The following MAMDC2 variants were observed in gnomAD, a reference collection of about 807,000 sequenced individuals.
MAMDC2 encodes the protein MAM domain-containing protein 2.
A neutral mutation model predicts 89.8 loss-of-function variants in MAMDC2; 57 were observed. That is an observed-to-expected ratio of 0.63 (90% CI 0.51 to 0.79). MAMDC2 has a LOEUF of 0.79. Ranked by LOEUF, MAMDC2 falls within the 30% of genes least tolerant of loss-of-function variation. The probability of loss-of-function intolerance (pLI) is 0.00; values close to 1 mark genes in which losing one functional copy is unlikely to be tolerated. For synonymous variants in MAMDC2, 313 were observed against 293.4 expected (o/e 1.07, Z -0.68); for missense variants, 800 against 820.6 (o/e 0.97, Z 0.31).
chr9:70,047,748 G>A (rs973833492), intron 2 of MAMDC2, among the ~76,000 whole-genome samples: 2 of 152,202 alleles, frequency 1.3e-5, no homozygotes, highest in Admixed American at 1.3e-4. Context: ...GAGAAGGAAG[G>A]TAAGTTGGGA....
intron 2 of MAMDC2, among the ~76,000 whole-genome samples, chr9:70,078,511 C>A (rs933024372): frequency 6.6e-6 from 1 of 152,058 alleles, no homozygotes; most frequent in South Asian, 2.1e-4. Flanking sequence ...AAAGGGGACA[C>A]GGAGTGAACT....
chr9:70,182,706 C>A (rs1020268850), intron 11 of MAMDC2, among the ~76,000 whole-genome samples: 3 of 152,012 alleles, frequency 2.0e-5, no homozygotes, highest in African/African-American at 7.2e-5. Context: ...GTGATATTCC[C>A]TTTATCATTT....
At chr9:70,154,643 G>A (rs1331973647) in intron 9 of MAMDC2, among the ~76,000 whole-genome samples, 1 of 150,570 alleles carries the variant, frequency 6.6e-6, no homozygotes, top group Admixed American at 6.7e-5. Context: ...TCCCACCTCA[G>A]CTTCCCAAGT....
In MAMDC2 at chr9:70,122,317, G is replaced by T. The variant is rs575282633; in HGVS notation, c.644-3842G>T. Among the ~76,000 whole-genome samples, 127 of 152,274 alleles carry T rather than the reference G, an allele frequency of 8.3e-4. 1 individual carries two copies. The highest frequency in any genetic ancestry group is 2.8e-3 in the African/African-American group (118 of 41,544). ...TCAGAAATGTGACTGTGGTTCACTT[G>T]GCCTAGCATCCTGAGCACAAGTTGC... On this transcript the variant is annotated intron_variant, in intron 5 of 13. Coordinates refer to ENST00000377182, the MANE Select transcript of MAMDC2 (RefSeq NM_153267.5).
At chr9:70,224,972 T>G (rs1227702861) in intron 12 of MAMDC2, among the ~76,000 whole-genome samples, 1 of 152,212 alleles carries the variant, frequency 6.6e-6, no homozygotes. Flanking sequence ...TTTATTTAAA[T>G]TATAAACTAC....
intron 2 of MAMDC2, among the ~76,000 whole-genome samples, chr9:70,069,685 A>C (rs1463108738): frequency 6.6e-6 from 1 of 152,196 alleles, no homozygotes; most frequent in Non-Finnish European, 1.5e-5. Context: ...GAACTTTTTG[A>C]AGATGATTGT....
chr9:70,163,057 A>AAGAG (rs2032033411), intron 9 of MAMDC2, among the ~76,000 whole-genome samples: 1 of 152,114 alleles, frequency 6.6e-6, no homozygotes. Context: ...GATGAAAATA[A>AAGAG]AGAGGAGATT....
intron 11 of MAMDC2, among the ~76,000 whole-genome samples, chr9:70,192,250 T>C (rs1330837741): frequency 6.6e-6 from 1 of 152,166 alleles, no homozygotes; most frequent in Non-Finnish European, 1.5e-5. Flanking sequence ...TTTTCTAATT[T>C]TTCTCAGCAG....
intron 11 of MAMDC2, among the ~76,000 whole-genome samples, chr9:70,188,217 T>C (rs2032801072): frequency 6.6e-6 from 1 of 152,176 alleles, no homozygotes; most frequent in South Asian, 2.1e-4. Flanking sequence ...CTAAAGTGTG[T>C]CTCTTGGAGA....
chr9:70,096,520 C>G (rs1784957131), intron 2 of MAMDC2, among the ~76,000 whole-genome samples: 1 of 152,102 alleles, frequency 6.6e-6, no homozygotes, highest in South Asian at 2.1e-4. Flanking sequence ...CCTGAAAGCC[C>G]CATTCAACAA....
At chr9:70,157,314 A>G (rs1326851190) in intron 9 of MAMDC2, among the ~76,000 whole-genome samples, 2 of 152,246 alleles carry the variant, frequency 1.3e-5, no homozygotes, top group East Asian at 1.9e-4. Flanking sequence ...CATAGACCAA[A>G]TAAGTATTTG....
chr9:70,104,067 C>T (rs529311994), intron 2 of MAMDC2, among the ~76,000 whole-genome samples: 3 of 151,878 alleles, frequency 2.0e-5, no homozygotes, highest in African/African-American at 7.2e-5. Flanking sequence ...GATCTATTAT[C>T]CAGAATGTAT....
chr9:70,143,403 C>T, intron 8 of MAMDC2, 151 bp from the exon 9 acceptor site: 1 of 817,364 alleles, frequency 1.2e-6, no homozygotes, highest in Non-Finnish European at 1.9e-6. Flanking sequence ...TATTTTCTGT[C>T]ACTTAAGCCA....
intron 2 of MAMDC2, among the ~76,000 whole-genome samples, chr9:70,052,444 T>C (rs1453338422): frequency 1.3e-5 from 2 of 152,246 alleles, no homozygotes; most frequent in African/African-American, 4.8e-5. Context: ...TGTCCCATGC[T>C]CATCTATTTA....
intron 11 of MAMDC2, among the ~76,000 whole-genome samples, chr9:70,182,791 T>TA: frequency 6.6e-6 from 1 of 152,290 alleles, no homozygotes; most frequent in Admixed American, 6.5e-5. Context: ...TTGATCTTTT[T>TA]AAAAAACCAG....
intron 5 of MAMDC2, among the ~76,000 whole-genome samples, chr9:70,123,063 A>T (rs1352461938): frequency 6.6e-6 from 1 of 152,158 alleles, no homozygotes; most frequent in Non-Finnish European, 1.5e-5. Context: ...CTTAAAGGGG[A>T]TCTCTGTGGC....
In MAMDC2 at chr9:70,139,867, G is replaced by T. The variant is rs868284425; in HGVS notation, c.995-278G>T. ...GGTTTTGATTTGCATTTCCATGGGA[G>T]GAAATTTCTTTTGAAGTCGGGTACT... On this transcript the variant is annotated intron_variant, in intron 7 of 13. Transcript: ENST00000377182. 8.5e-5 allele frequency among the ~76,000 whole-genome samples: 13 copies of T among 152,244 alleles called. No homozygotes were observed. In the South Asian group the frequency reaches 2.7e-3, roughly 32 times the overall value.
intron 2 of MAMDC2, among the ~76,000 whole-genome samples, chr9:70,091,392 C>T (rs1314567190): frequency 2.0e-5 from 3 of 152,134 alleles, no homozygotes; most frequent in Admixed American, 2.0e-4. Context: ...GCAGGAGCCA[C>T]AGTGTAGCCC....
At chr9:70,091,448 C>G (rs1352187400) in intron 2 of MAMDC2, among the ~76,000 whole-genome samples, 1 of 152,158 alleles carries the variant, frequency 6.6e-6, no homozygotes. Flanking sequence ...CTAAAATACT[C>G]TTTTCACAGA....
Sources: allele counts gnomAD v4.1 joint callset (sites outside exome capture counted in the v4.1 genomes callset), GRCh38; gene constraint gnomAD v4.1.1; transcripts MANE v1.5; gene names NCBI Gene and HGNC (gene_info 2026-07-23, HGNC 2026-07-21).